TBC1D8: variants seen among roughly 807,000 people sequenced by gnomAD.
TBC1D8 encodes TBC1 domain family member 8, also known as BUB2-like protein 1.
In TBC1D8, 65 loss-of-function variants were observed where a neutral mutation model predicts 118.8. The ratio of observed to expected loss-of-function variants is 0.55; its 90% CI spans 0.45 to 0.67. TBC1D8 has a LOEUF of 0.67. Ranked by LOEUF, TBC1D8 falls within the 30% of genes least tolerant of loss-of-function variation. The pLI is 0.00. For missense variants in TBC1D8, 1,376 were observed against 1,471.2 expected (o/e 0.94, Z 1.06); for synonymous variants, 566 against 595.8 (o/e 0.95, Z 0.73).
chr2:101,058,082 G>A (rs1243541904), intron 3 of TBC1D8, among the ~76,000 whole-genome samples: 1 of 152,132 alleles, frequency 6.6e-6, no homozygotes, highest in East Asian at 1.9e-4. Context: ...TGCTGAATGG[G>A]GCCTTTCTGT....
At chr2:101,142,138 G>A (rs750344391) in intron 1 of TBC1D8, among the ~76,000 whole-genome samples, 10 of 152,130 alleles carry the variant, frequency 6.6e-5, no homozygotes, top group South Asian at 4.1e-4. Flanking sequence ...CTAGGTTCAA[G>A]CAATCCACTT....
intron 1 of TBC1D8, among the ~76,000 whole-genome samples, chr2:101,132,911 T>C (rs1678656388): frequency 6.6e-6 from 1 of 151,996 alleles, no homozygotes; most frequent in African/African-American, 2.4e-5. Context: ...TACTTTGCAA[T>C]AAAAATATTC....
intron 17 of TBC1D8, chr2:101,019,495 C>G (rs1223018750): frequency 6.5e-6 from 1 of 153,184 alleles, no homozygotes; most frequent in Non-Finnish European, 1.5e-5. Flanking sequence ...TGTCTGCACT[C>G]TAGCTTTTTT....
intron 2 of TBC1D8, among the ~76,000 whole-genome samples, chr2:101,075,475 T>G (rs1243884313): frequency 2.0e-5 from 3 of 151,952 alleles, no homozygotes; most frequent in Non-Finnish European, 4.4e-5. Context: ...CATCTTGAAT[T>G]GTAATTCCCA....
In TBC1D8 at chr2:101,085,143, G is replaced by A. The variant is rs192469050; in HGVS notation, c.283+5066C>T. On this transcript the variant is annotated intron_variant, in intron 2 of 19. Coordinates refer to ENST00000409318, the MANE Select transcript of TBC1D8 (RefSeq NM_001330348.2). ...TGGGATTACAGGTGTGAGCCACCGC[G>A]CCCAGCCAGGGTATTCACTATTAAA... Among the ~76,000 whole-genome samples, 280 of 152,134 alleles carry A rather than the reference G, an allele frequency of 1.8e-3. 1 individual carries two copies. The highest frequency in any genetic ancestry group is 3.4e-3 in the Middle Eastern group (1 of 294).
At chr2:101,064,938 A>T (rs1558668023) in intron 2 of TBC1D8, among the ~76,000 whole-genome samples, 1 of 152,164 alleles carries the variant, frequency 6.6e-6, no homozygotes, top group African/African-American at 2.4e-5. Context: ...ACCAACCCGA[A>T]AGCCAATTCA....
chr2:101,018,033 A>ACC, intron 17 of TBC1D8: 1 of 1,167,884 alleles, frequency 8.6e-7, no homozygotes, highest in Non-Finnish European at 1.2e-6. Flanking sequence ...CTACATATCA[A>ACC]CCCCTTTTTC....
At chr2:101,112,191 A>G (rs1372787018) in intron 1 of TBC1D8, among the ~76,000 whole-genome samples, 1 of 152,292 alleles carries the variant, frequency 6.6e-6, no homozygotes, top group Non-Finnish European at 1.5e-5. Flanking sequence ...GCAGGGTGAT[A>G]TCATGCTCAA....
intron 1 of TBC1D8, among the ~76,000 whole-genome samples, chr2:101,114,140 A>G (rs1459527414): frequency 2.6e-5 from 4 of 152,224 alleles, no homozygotes. Flanking sequence ...GGCTTAGCAC[A>G]AAAGTGTTTG....
chr2:101,096,906 T>C (rs1221310540), intron 1 of TBC1D8, among the ~76,000 whole-genome samples: 3 of 151,340 alleles, frequency 2.0e-5, no homozygotes, highest in Admixed American at 6.6e-5. Flanking sequence ...GGAGAAGAGA[T>C]AGTAATCATT....
intron 1 of TBC1D8, among the ~76,000 whole-genome samples, chr2:101,143,650 C>A (rs1679206805): frequency 6.6e-6 from 1 of 152,284 alleles, no homozygotes; most frequent in East Asian, 1.9e-4. Context: ...GCCTCAACCT[C>A]CAGGGCTCAG....
chr2:101,022,111 A>G (rs1680065137), intron 16 of TBC1D8, among the ~76,000 whole-genome samples, 170 bp downstream of exon 16: 1 of 152,216 alleles, frequency 6.6e-6, no homozygotes, highest in South Asian at 2.1e-4. Context: ...TTCAGAAAGT[A>G]GATCCTGAGA....
At chr2:101,143,212 G>A (rs1051312432) in intron 1 of TBC1D8, among the ~76,000 whole-genome samples, 8 of 151,790 alleles carry the variant, frequency 5.3e-5, no homozygotes, top group African/African-American at 7.3e-5. Flanking sequence ...ACAGGTGCCC[G>A]CCACCACACC....
At chr2:101,088,679 G>C (rs149489446) in intron 2 of TBC1D8, among the ~76,000 whole-genome samples, 74 of 152,202 alleles carry the variant, frequency 4.9e-4, no homozygotes, top group African/African-American at 1.6e-3. Context: ...TCGGGTTCAA[G>C]TGATCCTCAG....
chr2:101,011,552 A>T lies in TBC1D8; in HGVS notation c.2828-12T>A. 1 of 1,613,840 alleles carries T rather than the reference A, an allele frequency of 6.2e-7. No individual in the cohort carries two copies. The highest frequency in any genetic ancestry group is 1.7e-5 in the Admixed American group (1 of 60,016). On this transcript the variant is annotated splice_polypyrimidine_tract_variant and intron_variant, in intron 17 of 19. Coordinates refer to ENST00000409318, the MANE Select transcript of TBC1D8 (RefSeq NM_001330348.2). ...ATTTTCAGTGAGTGCTTAAAAAAAG[A>T]TGAGAGGTTTAAATTAAACAAATTT... is the stretch of plus-strand genomic sequence containing the variant.
chr2:101,085,089 G>T (rs917159969), intron 2 of TBC1D8, among the ~76,000 whole-genome samples: 3 of 151,972 alleles, frequency 2.0e-5, no homozygotes, highest in Admixed American at 2.0e-4. Flanking sequence ...CTGACCTCGT[G>T]ATCTGCCCAC....
At chr2:101,034,980 A>G (rs7424392) in intron 9 of TBC1D8, among the ~76,000 whole-genome samples, 127,283 of 151,864 alleles carry the variant, frequency 0.84, 53,626 homozygotes, top group African/African-American at 0.91. Flanking sequence ...GGAAGCATGA[A>G]GGCTGTGTCT....
At chr2:101,137,317 G>A (rs914900420) in intron 1 of TBC1D8, among the ~76,000 whole-genome samples, 1 of 146,570 alleles carries the variant, frequency 6.8e-6, no homozygotes, top group African/African-American at 2.5e-5. Context: ...ACAGGCGTGA[G>A]CCACCACGTT....
In TBC1D8 at chr2:101,139,673, T is replaced by A. The variant is rs118129147; in HGVS notation, c.127+11454A>T. On this transcript the variant is annotated intron_variant, in intron 1 of 19. Coordinates refer to ENST00000409318, the MANE Select transcript of TBC1D8 (RefSeq NM_001330348.2). ...CACTTAACTTGTCCAAAACAGACTC[T>A]CGGAGGCCTCAGGACCTTTGCACAT... Among the ~76,000 whole-genome samples, 924 of 152,206 alleles carry A rather than the reference T, an allele frequency of 6.1e-3. 24 individuals carry two copies. The East Asian group carries it at 0.082, about 14-fold the overall frequency.
Sources: allele counts gnomAD v4.1 joint callset (sites outside exome capture counted in the v4.1 genomes callset), GRCh38; gene constraint gnomAD v4.1.1; transcripts MANE v1.5; gene names NCBI Gene and HGNC (gene_info 2026-07-23, HGNC 2026-07-21).